The following RALA variants were observed in gnomAD, a reference collection of about 807,000 sequenced individuals.
The protein encoded by RALA is ras-related protein Ral-A.
In RALA, 5 loss-of-function variants were observed where a neutral mutation model predicts 24.0. The observed-to-expected ratio is 0.21, with a 90% CI of 0.11 to 0.44. RALA has a LOEUF of 0.44. Ranked by LOEUF, RALA falls within the 20% of genes least tolerant of loss-of-function variation. The pLI, the probability that RALA is intolerant of heterozygous loss-of-function variation, is 0.99. For missense variants in RALA, 95 were observed against 241.2 expected (o/e 0.39, Z 4.01); for synonymous variants, 77 against 83.8 (o/e 0.92, Z 0.44).
At chr7:39,689,970 A>G (rs1257469543) in intron 2 of RALA, among the ~76,000 whole-genome samples, 1 of 152,220 alleles carries the variant, frequency 6.6e-6, no homozygotes, top group Admixed American at 6.5e-5. Flanking sequence ...TAGAAAAAGA[A>G]AGGATTTAAT....
At chr7:39,668,625 C>A (rs924101122) in intron 1 of RALA, among the ~76,000 whole-genome samples, 1 of 151,698 alleles carries the variant, frequency 6.6e-6, no homozygotes, top group African/African-American at 2.4e-5. Context: ...TGGAGAAACC[C>A]CATCTCTACT....
chr7:39,659,697 A>C lies in RALA; in HGVS notation c.-37-26934A>C, dbSNP rs577865343. Reference sequence around the variant, plus strand: ...GGAATCTCTGGGTAAATAGGCACTAAATAAGCCCAAAAATATGAGCAAAAG... The same window carrying C: ...GGAATCTCTGGGTAAATAGGCACTACATAAGCCCAAAAATATGAGCAAAAG... On this transcript the variant is annotated intron_variant, in intron 1 of 4. Coordinates refer to ENST00000005257, the MANE Select transcript of RALA (RefSeq NM_005402.4). Among the ~76,000 whole-genome samples the C allele has an allele frequency of 7.2e-5, 11 of 152,296 alleles. No homozygotes were observed. In the East Asian group the frequency reaches 1.2e-3, roughly 16 times the overall value.
At chr7:39,690,844 C>T (rs898487859) in intron 3 of RALA, among the ~76,000 whole-genome samples, 1 of 152,184 alleles carries the variant, frequency 6.6e-6, no homozygotes, top group African/African-American at 2.4e-5. Flanking sequence ...TTCAGTTACC[C>T]AGAGTCTCTA....
rs918269191 is a variant in RALA, at chr7:39,707,100, G to A, written c.*855G>A. 1 of 152,526 alleles carries A rather than the reference G, an allele frequency of 6.6e-6. No homozygotes were observed. The highest frequency in any genetic ancestry group is 2.4e-5 in the African/African-American group (1 of 41,406). The allele number at this position is 152,526 out of a possible 1,614,324, so 9.4% of individuals were successfully genotyped here. A position where few individuals can be genotyped will look rare whatever the true frequency, so the allele number is the denominator to read the frequency against. On this transcript the variant is annotated 3_prime_UTR_variant, in exon 5 of 5. Coordinates refer to ENST00000005257, the MANE Select transcript of RALA (RefSeq NM_005402.4). ...ACTGCAAGTTCATTTTAAATGAAGG[G>A]CCAGCATATATACTTGCAAGATAAT...
chr7:39,664,765 A>G (rs73689252), intron 1 of RALA, among the ~76,000 whole-genome samples: 12,029 of 152,160 alleles, frequency 0.079, 1,025 homozygotes, highest in African/African-American at 0.21. Flanking sequence ...GATTTATGAC[A>G]TAGCCAGTCA....
At chr7:39,647,900 T>C (rs994220474) in intron 1 of RALA, among the ~76,000 whole-genome samples, 4 of 152,220 alleles carry the variant, frequency 2.6e-5, no homozygotes, top group African/African-American at 9.6e-5. Flanking sequence ...TCTTCCTGCT[T>C]TTCAGTGTTA....
chr7:39,690,376 T>G lies in RALA; in HGVS notation c.115-6T>G. 1 of 1,600,082 alleles carries G rather than the reference T, an allele frequency of 6.2e-7. No homozygotes were observed. The highest frequency in any genetic ancestry group is 8.5e-7 in the Non-Finnish European group (1 of 1,173,972). On this transcript the variant is annotated splice_region_variant and splice_polypyrimidine_tract_variant and intron_variant, in intron 2 of 4. Transcript: ENST00000005257. ...TAAAAAATTGGTGTGTTTTTATCTT[T>G]TCTAGTTTGTGGAGGACTATGAGCC...
At chr7:39,702,029 G>C (rs114036257) in intron 4 of RALA, among the ~76,000 whole-genome samples, 471 of 152,272 alleles carry the variant, frequency 3.1e-3, no homozygotes, top group African/African-American at 0.01. Flanking sequence ...ATGTCCAAAG[G>C]GGCAGTGTGA....
chr7:39,648,313 CAT>C (rs1254123406), intron 1 of RALA, among the ~76,000 whole-genome samples: 1 of 152,102 alleles, frequency 6.6e-6, no homozygotes, highest in Admixed American at 6.6e-5. Context: ...TTTCTGCTAT[CAT>C]GTGTAATCCA....
At chr7:39,690,250 G>T in intron 2 of RALA, 132 bp from the exon 3 acceptor site, 1 of 674,460 alleles carries the variant, frequency 1.5e-6, no homozygotes, top group Non-Finnish European at 2.4e-6. Flanking sequence ...TTTACCATTG[G>T]AGGAATCTGG....
intron 1 of RALA, among the ~76,000 whole-genome samples, chr7:39,661,876 A>C (rs571633568): frequency 1.3e-5 from 2 of 151,698 alleles, no homozygotes; most frequent in Non-Finnish European, 2.9e-5. Context: ...GCCTTAGCAG[A>C]AGTTCTCCAT....
At chr7:39,626,944 G>A (rs570895108) in intron 1 of RALA, among the ~76,000 whole-genome samples, 57 of 152,084 alleles carry the variant, frequency 3.7e-4, no homozygotes, top group African/African-American at 1.3e-3. Context: ...CTTAAAAGTG[G>A]CAGAAGTCTT....
chr7:39,633,811 C>A (rs189239767), intron 1 of RALA, among the ~76,000 whole-genome samples: 1 of 152,186 alleles, frequency 6.6e-6, no homozygotes, highest in Non-Finnish European at 1.5e-5. Flanking sequence ...GGTGTGAAAT[C>A]AGGTGTTGGC....
intron 1 of RALA, among the ~76,000 whole-genome samples, chr7:39,639,970 AC>A (rs1222091725): frequency 6.8e-6 from 1 of 147,910 alleles, no homozygotes; most frequent in Admixed American, 6.6e-5. Flanking sequence ...TTATTTGAGA[AC>A]CTGCTGTAGT....
intron 1 of RALA, among the ~76,000 whole-genome samples, chr7:39,643,549 CCT>C (rs1485418885): frequency 6.6e-6 from 1 of 152,012 alleles, no homozygotes; most frequent in Non-Finnish European, 1.5e-5. Context: ...GGCAAAATCC[CCT>C]CTCTACTAAA....
At chr7:39,704,050 C>T (rs1793073138) in intron 4 of RALA, among the ~76,000 whole-genome samples, 1 of 151,352 alleles carries the variant, frequency 6.6e-6, no homozygotes, top group African/African-American at 2.4e-5. Context: ...TCTGTAATCC[C>T]AGCTACTTGG....
chr7:39,658,208 T>C (rs953668484), intron 1 of RALA, among the ~76,000 whole-genome samples: 1 of 152,214 alleles, frequency 6.6e-6, no homozygotes, highest in East Asian at 1.9e-4. Flanking sequence ...GTCTTCATCC[T>C]AGACATAACA....
chr7:39,626,575 C>T (rs1791491930), intron 1 of RALA, among the ~76,000 whole-genome samples: 1 of 152,182 alleles, frequency 6.6e-6, no homozygotes, highest in African/African-American at 2.4e-5. Context: ...CCATTCTTCT[C>T]TTTTATCTTC....
At chr7:39,659,940 A>G (rs1436440568) in intron 1 of RALA, among the ~76,000 whole-genome samples, 2 of 152,200 alleles carry the variant, frequency 1.3e-5, no homozygotes, top group Non-Finnish European at 2.9e-5. Flanking sequence ...AATAAAAGGA[A>G]CATGCTCTCC....
Sources: allele counts gnomAD v4.1 joint callset (sites outside exome capture counted in the v4.1 genomes callset), GRCh38; gene constraint gnomAD v4.1.1; transcripts MANE v1.5; gene names NCBI Gene and HGNC (gene_info 2026-07-23, HGNC 2026-07-21).